ASPM: variants seen among roughly 807,000 people sequenced by gnomAD.
The protein encoded by ASPM is assembly factor for spindle microtubules, also known as abnormal spindle-like microcephaly-associated protein.
A neutral mutation model predicts 366.4 loss-of-function variants in ASPM; 256 were observed. The ratio of observed to expected loss-of-function variants is 0.70; its 90% CI spans 0.63 to 0.77. The LOEUF (loss-of-function observed/expected upper bound fraction) is 0.77. Among genes scored for constraint, ASPM ranks in the 30% least tolerant of loss-of-function variants. The pLI is 0.00. For missense variants in ASPM, 4,146 were observed against 4,090.4 expected (o/e 1.01, Z -0.37); for synonymous variants, 1,414 against 1,342.9 (o/e 1.05, Z -1.16).
Position 197,093,280 on chromosome 1 carries a change from A to C in ASPM, c.9085-19T>G, listed in dbSNP as rs776590675. The C allele has an allele frequency of 1.3e-6, 2 of 1,589,562 alleles. No individual in the cohort carries two copies. The highest frequency in any genetic ancestry group is 1.7e-6 in the Non-Finnish European group (2 of 1,159,946). ...GATGTCTCTATAAGGAAAAATTTAC[A>C]AGTAACATTAATGGGTAGAAAGAAA... On this transcript the variant is annotated intron_variant, in intron 20 of 27. Transcript: ENST00000367409.
At chr1:197,143,896 TAA>T in intron 2 of ASPM, 59 bp downstream of exon 2, 4 of 1,547,748 alleles carry the variant, frequency 2.6e-6, no homozygotes, top group Admixed American at 1.7e-5. Flanking sequence ...GTTATCAAAA[TAA>T]GTTTTATTTA....
intron 4 of ASPM, among the ~76,000 whole-genome samples, chr1:197,135,865 A>T (rs1163343394): frequency 6.6e-6 from 1 of 152,072 alleles, no homozygotes; most frequent in Non-Finnish European, 1.5e-5. Flanking sequence ...AGACGGGAGA[A>T]TCACCCAAAC....
In ASPM at chr1:197,122,373, C is replaced by G. The variant is rs764742044; in HGVS notation, c.3598+15G>C. ...ACATGGCAAAAAATTGGAAAAGTAA[C>G]CAAAAGGGACTAACCATGATCAAAT... On this transcript the variant is annotated intron_variant, in intron 14 of 27. Coordinates refer to ENST00000367409, the MANE Select transcript of ASPM (RefSeq NM_018136.5). The G allele has an allele frequency of 3.1e-6, 5 of 1,613,386 alleles. No homozygotes were observed. In the African/African-American group the frequency reaches 6.7e-5, roughly 22 times the overall value.
intron 17 of ASPM, among the ~76,000 whole-genome samples, chr1:197,109,351 A>G (rs756598871): frequency 6.6e-6 from 1 of 152,110 alleles, no homozygotes; most frequent in Non-Finnish European, 1.5e-5. Flanking sequence ...TAATATTTGA[A>G]TTTTATCCTT....
chr1:197,118,700 A>G (rs1358398110), intron 16 of ASPM, among the ~76,000 whole-genome samples: 1 of 152,248 alleles, frequency 6.6e-6, no homozygotes, highest in African/African-American at 2.4e-5. Context: ...AACCACCACC[A>G]TAAGAACAAA....
intron 1 of ASPM, among the ~76,000 whole-genome samples, chr1:197,144,699 G>A (rs1433287121): frequency 6.6e-6 from 1 of 152,130 alleles, no homozygotes; most frequent in Non-Finnish European, 1.5e-5. Flanking sequence ...CCAAAGTCAC[G>A]CAGGTACCTA....
At chr1:197,118,703 A>G (rs1243833198) in intron 16 of ASPM, among the ~76,000 whole-genome samples, 1 of 152,200 alleles carries the variant, frequency 6.6e-6, no homozygotes, top group East Asian at 1.9e-4. Context: ...CACCACCATA[A>G]GAACAAATGA....
intron 16 of ASPM, 147 bp from the exon 17 acceptor site, chr1:197,118,130 CTGA>C (rs1165467338): frequency 1.3e-6 from 1 of 781,254 alleles, no homozygotes; most frequent in African/African-American, 1.8e-5. Flanking sequence ...CTTTGGAATA[CTGA>C]TAATTCCAGG....
At chr1:197,107,938 A>T (rs1344172713) in intron 17 of ASPM, among the ~76,000 whole-genome samples, 1 of 152,086 alleles carries the variant, frequency 6.6e-6, no homozygotes, top group Admixed American at 6.6e-5. Context: ...TATTCTAAAA[A>T]ACTCTATTTA....
chr1:197,130,145 G>A (rs1476347196), intron 7 of ASPM, 89 bp from the exon 8 acceptor site: 2 of 1,357,592 alleles, frequency 1.5e-6, no homozygotes, highest in East Asian at 4.7e-5. Context: ...ATAACCTAAG[G>A]AACTGGCAAT....
Position 197,102,373 on chromosome 1 carries a change from T to G in ASPM, c.6878A>C (p.Gln2293Pro). 1 of 1,612,866 alleles carries G rather than the reference T, an allele frequency of 6.2e-7. No individual in the cohort carries two copies. The highest frequency in any genetic ancestry group is 8.5e-7 in the Non-Finnish European group (1 of 1,179,282). Reference protein sequence around the residue: ...LSLKKTAILIQRKYRAHLCTK... With the variant: ...LSLKKTAILIPRKYRAHLCTK... Reference sequence around the variant, plus strand: ...ACAAAGATGTGCCCGATATTTTCTCTGAATCAAAATAGCAGTTTTCTTGAG... The same window carrying G: ...ACAAAGATGTGCCCGATATTTTCTCGGAATCAAAATAGCAGTTTTCTTGAG... Residue 2293 changes from glutamine (Q) to proline (P), a missense_variant, in exon 18 of 28, where the codon CAG becomes CCG. Gln to Pro is a moderately conservative substitution (Grantham distance 76, BLOSUM62 -1). Transcript: ENST00000367409.
In ASPM at chr1:197,143,722, T is replaced by C; in HGVS notation, c.530A>G (p.Lys177Arg). The change falls in exon 3 of 28, where the codon AAA becomes AGA. Residue 177 changes from lysine to arginine, a missense_variant. By Grantham distance (26) the Lys-to-Arg change is conservative (BLOSUM62 2). This residue lies in a region of ASPM where 512 missense variants were observed against 471.7 expected (regional missense o/e 1.09). Coordinates refer to ENST00000367409, the MANE Select transcript of ASPM (RefSeq NM_018136.5). ...AACTTTTTGGGAAACACTAAATGTT[T>C]TATTAACATTCTGAATATTTGAAAC... is the stretch of plus-strand genomic sequence containing the variant. The part of the protein sequence containing the change: ...RRVSNIQNVN[K>R]TFSVSQKVDR... The C allele has an allele frequency of 6.2e-7, 1 of 1,613,620 alleles. No homozygotes were observed. The highest frequency in any genetic ancestry group is 1.3e-5 in the African/African-American group (1 of 75,014).
intron 17 of ASPM, among the ~76,000 whole-genome samples, chr1:197,109,026 G>A (rs796155359): frequency 2.7e-5 from 4 of 148,328 alleles, no homozygotes; most frequent in African/African-American, 9.9e-5. Context: ...TGATGAATAT[G>A]CTAATTGTCC....
chr1:197,122,691 T>C lies in ASPM; in HGVS notation c.3391-96A>G. ...ACCTGTGAATAATAAAGGCAGAGACTGGAGTGACAAATCTACAAGGCAAGT... is the reference window on the plus strand; with the variant it reads ...ACCTGTGAATAATAAAGGCAGAGACCGGAGTGACAAATCTACAAGGCAAGT... On this transcript the variant is annotated intron_variant, in intron 13 of 27. Transcript: ENST00000367409. The C allele has an allele frequency of 2.5e-6, 3 of 1,180,894 alleles. No homozygotes were observed. In the South Asian group the frequency reaches 4.0e-5, roughly 16 times the overall value. 73.2% of individuals were successfully genotyped at this position (1,180,894 alleles called of 1,614,324 possible).
At chr1:197,085,243 AT>A (rs763041652) in intron 27 of ASPM, among the ~76,000 whole-genome samples, 1 of 152,064 alleles carries the variant, frequency 6.6e-6, no homozygotes, top group Non-Finnish European at 1.5e-5. Context: ...AGCTGATTTT[AT>A]TTTTTGCCAA....
In ASPM at chr1:197,104,192, A is replaced by G; in HGVS notation, c.5059T>C (p.Ser1687Pro). The change falls in exon 18 of 28, where the codon TCA (serine) becomes CCA (proline). Residue 1687 changes from serine (S) to proline (P), a missense_variant. Transcript: ENST00000367409. ...CGTGTTTGTTTCATCTTAACAGTTGACTGCAATTTTATTGTAGCATTTTTT... is the reference window on the plus strand; with the variant it reads ...CGTGTTTGTTTCATCTTAACAGTTGGCTGCAATTTTATTGTAGCATTTTTT... ...SLKNATIKLQ[S>P]TVKMKQTRKQ... 1.2e-6 allele frequency: 2 copies of G among 1,612,578 alleles called. No individual in the cohort carries two copies. The highest frequency in any genetic ancestry group is 1.7e-6 in the Non-Finnish European group (2 of 1,179,260).
intron 17 of ASPM, among the ~76,000 whole-genome samples, chr1:197,106,279 T>C (rs1295192482): frequency 6.6e-6 from 1 of 152,114 alleles, no homozygotes; most frequent in Non-Finnish European, 1.5e-5. Flanking sequence ...AATGATTGTA[T>C]ACATTTTATC....
chr1:197,108,047 A>C (rs931816319), intron 17 of ASPM, among the ~76,000 whole-genome samples: 1 of 152,168 alleles, frequency 6.6e-6, no homozygotes, highest in Non-Finnish European at 1.5e-5. Context: ...ATCAAATAGG[A>C]AAGAATTGAA....
chr1:197,104,330 A>C lies in ASPM; in HGVS notation c.4921T>G (p.Ser1641Ala). ...CTGGCTTGCATCCCTCTATATGCAGACTGCAGCACAATGACAGCAGAGCGT... is the reference window on the plus strand; with the variant it reads ...CTGGCTTGCATCCCTCTATATGCAGCCTGCAGCACAATGACAGCAGAGCGT... ...KTRSAVIVLQSAYRGMQARKM... is the reference protein window; with the variant it reads ...KTRSAVIVLQAAYRGMQARKM... The change falls in exon 18 of 28, where the codon TCT becomes GCT. Residue 1641 changes from serine to alanine, a missense_variant. Transcript: ENST00000367409. The C allele has an allele frequency of 6.2e-7, 1 of 1,613,108 alleles. No homozygotes were observed. Among genetic ancestry groups the C allele is most frequent in the Non-Finnish European group, 8.5e-7 (1 of 1,179,448 alleles).
Sources: allele counts gnomAD v4.1 joint callset (sites outside exome capture counted in the v4.1 genomes callset), GRCh38; gene constraint gnomAD v4.1.1; regional missense constraint gnomAD v4.1.1; transcripts MANE v1.5; gene names NCBI Gene and HGNC (gene_info 2026-07-23, HGNC 2026-07-21).